Variants in GMDS observed in about 807,000 individuals in gnomAD.
The protein encoded by GMDS is GDP-mannose 4,6-dehydratase.
Under a neutral mutation model 49.9 loss-of-function variants are expected in GMDS, and 20 were observed. The observed-to-expected ratio is 0.40, with a 90% CI of 0.28 to 0.58. The LOEUF (loss-of-function observed/expected upper bound fraction) is 0.58, where lower values mean the gene tolerates loss of function less well. Ranked by LOEUF, GMDS falls within the 20% of genes least tolerant of loss-of-function variation. The probability of loss-of-function intolerance (pLI) is 0.42; values close to 1 mark genes in which losing one functional copy is unlikely to be tolerated. For synonymous variants in GMDS, 177 were observed against 178.6 expected, an observed-to-expected ratio of 0.99 and a Z score of 0.07; for missense variants, 362 against 481.4, an observed-to-expected ratio of 0.75 and a Z score of 2.32.
chr6:2,123,188 G>A (rs536750631), intron 2 of GMDS, among the ~76,000 whole-genome samples: 79 of 152,148 alleles, frequency 5.2e-4, no homozygotes, highest in African/African-American at 1.6e-3. Flanking sequence ...ATCCAAACTC[G>A]CCCTGTCACT....
chr6:1,882,438 G>A (rs1759407087), intron 7 of GMDS, among the ~76,000 whole-genome samples: 1 of 152,170 alleles, frequency 6.6e-6, no homozygotes, highest in Non-Finnish European at 1.5e-5. Context: ...TAAATGGCTA[G>A]AATGAAATAA....
intron 9 of GMDS, among the ~76,000 whole-genome samples, chr6:1,716,542 G>T (rs768233805): frequency 6.6e-6 from 1 of 152,188 alleles, no homozygotes; most frequent in Non-Finnish European, 1.5e-5. Flanking sequence ...CTAAGCTGCT[G>T]CACAGACAGG....
At chr6:1,910,240 AT>A (rs1265105571) in intron 7 of GMDS, among the ~76,000 whole-genome samples, 1 of 149,394 alleles carries the variant, frequency 6.7e-6, no homozygotes, top group Non-Finnish European at 1.5e-5. Context: ...TTTCTATAGT[AT>A]TTTTTGTCCT....
At chr6:2,158,071 G>A (rs974102795) in intron 1 of GMDS, among the ~76,000 whole-genome samples, 6 of 152,152 alleles carry the variant, frequency 3.9e-5, no homozygotes, top group African/African-American at 7.2e-5. Flanking sequence ...CCTTCCTCAT[G>A]AAAGCACCAT....
At chr6:2,090,529 A>G (rs1773257650) in intron 4 of GMDS, among the ~76,000 whole-genome samples, 1 of 152,240 alleles carries the variant, frequency 6.6e-6, no homozygotes, top group Non-Finnish European at 1.5e-5. Context: ...TTCAACCTGA[A>G]TAAACAGAAA....
chr6:1,954,328 C>G (rs1763518021), intron 6 of GMDS, among the ~76,000 whole-genome samples: 1 of 152,228 alleles, frequency 6.6e-6, no homozygotes, highest in African/African-American at 2.4e-5. Flanking sequence ...GTGTCGATGG[C>G]TGCTAACTGA....
At chr6:1,649,985 G>A (rs906968199) in intron 9 of GMDS, among the ~76,000 whole-genome samples, 1 of 152,206 alleles carries the variant, frequency 6.6e-6, no homozygotes, top group South Asian at 2.1e-4. Context: ...TGTGCACCTT[G>A]CCTTCTGAAA....
At chr6:2,234,466 G>A (rs1164668185) in intron 1 of GMDS, among the ~76,000 whole-genome samples, 2 of 151,990 alleles carry the variant, frequency 1.3e-5, no homozygotes, top group African/African-American at 4.8e-5. Flanking sequence ...AAAATTAGCT[G>A]GGCATGGTAG....
chr6:2,021,871 T>C (rs1024043600), intron 4 of GMDS, among the ~76,000 whole-genome samples: 2 of 152,212 alleles, frequency 1.3e-5, no homozygotes, highest in African/African-American at 4.8e-5. Flanking sequence ...CTCAGCTGGA[T>C]AGTCTTGATT....
intron 7 of GMDS, among the ~76,000 whole-genome samples, chr6:1,840,576 G>A (rs944527647): frequency 6.6e-6 from 1 of 152,164 alleles, no homozygotes; most frequent in African/African-American, 2.4e-5. Flanking sequence ...GGCAAGAGAC[G>A]TATTTGCTGC....
At chr6:1,723,757 C>T (rs114034481) in intron 9 of GMDS, among the ~76,000 whole-genome samples, 21 of 152,208 alleles carry the variant, frequency 1.4e-4, no homozygotes, top group African/African-American at 5.1e-4. Context: ...TTGGCATGTG[C>T]AGGATGGACT....
At chr6:2,116,710 A>C (rs1317127986) in intron 3 of GMDS, among the ~76,000 whole-genome samples, 1 of 152,234 alleles carries the variant, frequency 6.6e-6, no homozygotes, top group African/African-American at 2.4e-5. Flanking sequence ...CATATGGTTT[A>C]CAAGCTGACT....
At chr6:2,087,702 G>A (rs73414503) in intron 4 of GMDS, among the ~76,000 whole-genome samples, 1,738 of 152,252 alleles carry the variant, frequency 0.011, 27 homozygotes, top group African/African-American at 0.038. Context: ...CTTGAATGTT[G>A]TTCACTTGCT....
At chr6:1,738,481 A>C (rs1431200297) in intron 8 of GMDS, among the ~76,000 whole-genome samples, 2 of 152,266 alleles carry the variant, frequency 1.3e-5, no homozygotes, top group African/African-American at 4.8e-5. Flanking sequence ...AGATGGCGAC[A>C]CGTGTCAAGC....
chr6:1,876,311 T>C (rs966590577), intron 7 of GMDS, among the ~76,000 whole-genome samples: 1 of 152,180 alleles, frequency 6.6e-6, no homozygotes, highest in African/African-American at 2.4e-5. Flanking sequence ...CTATGTTTTC[T>C]GCTATGCTCG....
intron 7 of GMDS, among the ~76,000 whole-genome samples, chr6:1,753,013 G>A (rs1244855527): frequency 1.3e-5 from 2 of 152,074 alleles, no homozygotes; most frequent in Non-Finnish European, 2.9e-5. Flanking sequence ...CATAATGACA[G>A]GATCAAATGT....
At chr6:1,845,822 G>A (rs565004840) in intron 7 of GMDS, among the ~76,000 whole-genome samples, 99 of 152,216 alleles carry the variant, frequency 6.5e-4, no homozygotes, top group African/African-American at 2.4e-3. Context: ...TGGCACTCAG[G>A]AGGTAAGGCT....
chr6:1,783,051 A>C (rs1769175865), intron 7 of GMDS, among the ~76,000 whole-genome samples: 1 of 152,094 alleles, frequency 6.6e-6, no homozygotes, highest in Admixed American at 6.5e-5. Context: ...GCTACTCTGG[A>C]AGCTGAGGTG....
intron 4 of GMDS, among the ~76,000 whole-genome samples, chr6:2,112,509 C>G (rs1774604889): frequency 6.6e-6 from 1 of 152,004 alleles, no homozygotes; most frequent in African/African-American, 2.4e-5. Context: ...GTTCGAAGAC[C>G]CCACCCTAGA....
Sources: allele counts gnomAD v4.1 joint callset (sites outside exome capture counted in the v4.1 genomes callset), GRCh38; gene constraint gnomAD v4.1.1; transcripts MANE v1.5; gene names NCBI Gene and HGNC (gene_info 2026-07-23, HGNC 2026-07-21).